GRIK3: variants seen among roughly 807,000 people sequenced by gnomAD.
GRIK3 encodes glutamate receptor ionotropic, kainate 3.
GRIK3 carries 29 observed loss-of-function variants against 102.5 expected under a neutral mutation model. The observed-to-expected ratio is 0.28, with a 90% confidence interval of 0.21 to 0.39. The LOEUF (loss-of-function observed/expected upper bound fraction) is 0.39. Among genes scored for constraint, GRIK3 ranks in the 10% least tolerant of loss-of-function variants. GRIK3 has a pLI of 1.00. For synonymous variants in GRIK3, 511 were observed against 504.9 expected, an observed-to-expected ratio of 1.01 and a Z score of -0.16; for missense variants, 908 against 1,252.4, an observed-to-expected ratio of 0.73 and a Z score of 4.15.
chr1:37,020,171 A>T (rs562925838), intron 1 of GRIK3, among the ~76,000 whole-genome samples: 2 of 151,988 alleles, frequency 1.3e-5, no homozygotes, highest in East Asian at 3.9e-4. Context: ...CACTGAGGTC[A>T]CTCCTGGCAC....
chr1:36,849,837 T>TG, intron 9 of GRIK3: 1 of 155,464 alleles, frequency 6.4e-6, no homozygotes, highest in South Asian at 2.0e-4. Context: ...AGGCAGGGGG[T>TG]GTGGCAGTGG....
At chr1:36,942,432 T>C (rs1641733622) in intron 1 of GRIK3, among the ~76,000 whole-genome samples, 1 of 152,218 alleles carries the variant, frequency 6.6e-6, no homozygotes, top group African/African-American at 2.4e-5. Flanking sequence ...GCTAATTGCT[T>C]GAAACACGTT....
At chr1:36,943,199 G>A (rs573712912) in intron 1 of GRIK3, among the ~76,000 whole-genome samples, 2 of 151,624 alleles carry the variant, frequency 1.3e-5, no homozygotes, top group East Asian at 3.9e-4. Context: ...CCTCTGCACA[G>A]GGTGCAGGAG....
At chr1:36,807,635 G>T (rs1376370187) in intron 13 of GRIK3, among the ~76,000 whole-genome samples, 1 of 152,116 alleles carries the variant, frequency 6.6e-6, no homozygotes, top group Non-Finnish European at 1.5e-5. Flanking sequence ...TATTCTCCAG[G>T]TGCTTCCTAG....
At chr1:37,029,365 C>G (rs1331086829) in intron 1 of GRIK3, among the ~76,000 whole-genome samples, 9 of 152,188 alleles carry the variant, frequency 5.9e-5, no homozygotes, top group African/African-American at 2.2e-4. Flanking sequence ...GCAAAGTCCC[C>G]CAGTTCCTCT....
intron 1 of GRIK3, among the ~76,000 whole-genome samples, chr1:36,945,562 G>A (rs946471704): frequency 6.6e-6 from 1 of 152,218 alleles, no homozygotes; most frequent in Admixed American, 6.5e-5. Flanking sequence ...AGACACCGGA[G>A]ATGTACAAGA....
At chr1:37,028,646 G>A (rs186051090) in intron 1 of GRIK3, among the ~76,000 whole-genome samples, 2 of 152,178 alleles carry the variant, frequency 1.3e-5, no homozygotes, top group Non-Finnish European at 2.9e-5. Context: ...AATGGGGAGT[G>A]GGGGTAGGGG....
At chr1:36,894,503 G>C (rs2124276293) in intron 1 of GRIK3, among the ~76,000 whole-genome samples, 1 of 152,306 alleles carries the variant, frequency 6.6e-6, no homozygotes, top group African/African-American at 2.4e-5. Context: ...TTGCCATTCT[G>C]TCCTAACAAC....
intron 1 of GRIK3, among the ~76,000 whole-genome samples, chr1:37,001,494 C>T (rs1046929546): frequency 3.9e-5 from 6 of 152,234 alleles, no homozygotes; most frequent in African/African-American, 1.4e-4. Flanking sequence ...TTTCTCCCTG[C>T]TCATGGTGGG....
chr1:37,025,915 C>T (rs978784593), intron 1 of GRIK3, among the ~76,000 whole-genome samples: 1 of 152,226 alleles, frequency 6.6e-6, no homozygotes, highest in Non-Finnish European at 1.5e-5. Context: ...CAGGATCTCA[C>T]TCCATTTCAT....
intron 13 of GRIK3, among the ~76,000 whole-genome samples, chr1:36,811,164 G>C (rs1212511126): frequency 1.3e-5 from 2 of 152,142 alleles, no homozygotes; most frequent in African/African-American, 4.8e-5. Context: ...TGCCCCTAAG[G>C]CTCCATAGGT....
In GRIK3 at chr1:36,959,880, C is replaced by T. The variant is rs1467938585; in HGVS notation, c.116-68784G>A. Among the ~76,000 whole-genome samples the T allele has an allele frequency of 2.6e-5, 3 of 113,330 alleles. 1 individual carries two copies. The highest frequency in any genetic ancestry group is 8.1e-4 in the East Asian group (2 of 2,462). 74.3% of individuals were successfully genotyped at this position (113,330 alleles called of 152,430 possible). On this transcript the variant is annotated intron_variant, in intron 1 of 15. Coordinates refer to ENST00000373091, the MANE Select transcript of GRIK3 (RefSeq NM_000831.4). ...GCCTGTGTGCCCCATGAGCCGTGTG[C>T]CCCATGATTCTGTGCCCCATGAGCC...
At chr1:37,006,314 G>A (rs532996106) in intron 1 of GRIK3, among the ~76,000 whole-genome samples, 20 of 152,288 alleles carry the variant, frequency 1.3e-4, no homozygotes, top group African/African-American at 3.4e-4. Context: ...CAGTGACCTC[G>A]ATAACGCAAC....
At chr1:36,923,198 C>T (rs183232107) in intron 1 of GRIK3, among the ~76,000 whole-genome samples, 9 of 152,296 alleles carry the variant, frequency 5.9e-5, no homozygotes, top group Admixed American at 2.0e-4. Context: ...TAAAAATGTA[C>T]GTATCAGCGC....
At chr1:36,871,190 G>A (rs894081155) in intron 4 of GRIK3, among the ~76,000 whole-genome samples, 4 of 152,154 alleles carry the variant, frequency 2.6e-5, no homozygotes, top group African/African-American at 4.8e-5. Flanking sequence ...GGCACACAAC[G>A]TGAAAGGGCA....
intron 1 of GRIK3, among the ~76,000 whole-genome samples, chr1:37,014,214 A>G (rs1251337944): frequency 6.6e-6 from 1 of 152,262 alleles, no homozygotes; most frequent in African/African-American, 2.4e-5. Flanking sequence ...TGTTGCCCTA[A>G]GTAGAGTAGA....
chr1:36,830,368 C>A (rs932984567), intron 10 of GRIK3, among the ~76,000 whole-genome samples: 2 of 151,974 alleles, frequency 1.3e-5, no homozygotes, highest in African/African-American at 4.8e-5. Context: ...GCCCCCCCAC[C>A]CCCAATTATG....
At chr1:36,886,021 G>A (rs978852395) in intron 2 of GRIK3, among the ~76,000 whole-genome samples, 5 of 152,120 alleles carry the variant, frequency 3.3e-5, no homozygotes, top group African/African-American at 9.7e-5. Flanking sequence ...GAGGAGCCTG[G>A]GGAGCCCTGG....
At chr1:36,944,600 A>G (rs1369602856) in intron 1 of GRIK3, among the ~76,000 whole-genome samples, 1 of 151,996 alleles carries the variant, frequency 6.6e-6, no homozygotes, top group African/African-American at 2.4e-5. Flanking sequence ...GGCCTTGGAG[A>G]CTTGGGGTAA....
Sources: allele counts gnomAD v4.1 joint callset (sites outside exome capture counted in the v4.1 genomes callset), GRCh38; gene constraint gnomAD v4.1.1; transcripts MANE v1.5; gene names NCBI Gene and HGNC (gene_info 2026-07-23, HGNC 2026-07-21).